The following TM4SF5 variants were observed in gnomAD, a reference collection of about 807,000 sequenced individuals.
TM4SF5 encodes the protein transmembrane 4 L6 family member 5.
TM4SF5 carries 16 observed loss-of-function variants against 22.3 expected under a neutral mutation model. The ratio of observed to expected loss-of-function variants is 0.72; its 90% confidence interval spans 0.49 to 1.09. The LOEUF (loss-of-function observed/expected upper bound fraction) is 1.09. TM4SF5 is among the 50% of genes least tolerant of loss of function. The pLI, the probability that TM4SF5 is intolerant of heterozygous loss-of-function variation, is 0.00. For missense variants in TM4SF5, 249 were observed against 266.1 expected (o/e 0.94, Z 0.45); for synonymous variants, 113 against 109.6 (o/e 1.03, Z -0.19).
At position 4,771,902 on chromosome 17, in the gene TM4SF5, T is replaced by C. The variant is rs779486563; in HGVS notation, c.-21T>C. 2 of 1,613,928 alleles carry C rather than the reference T, an allele frequency of 1.2e-6. No individual in the cohort carries two copies. ...CACTGGCTTACTTTCACTCACCGCCTGTCCTTCCTGACACCTCACCATGTG... is the reference window on the plus strand; with the variant it reads ...CACTGGCTTACTTTCACTCACCGCCCGTCCTTCCTGACACCTCACCATGTG... On this transcript the variant is annotated 5_prime_UTR_variant, in exon 1 of 5. Transcript: ENST00000270560.
chr17:4,775,193 C>T (rs1159450501), intron 1 of TM4SF5, among the ~76,000 whole-genome samples: 1 of 151,862 alleles, frequency 6.6e-6, no homozygotes, highest in African/African-American at 2.4e-5. Context: ...GCCTGGAACA[C>T]CCTGAAAAGC....
chr17:4,783,141 C>G lies in TM4SF5; in HGVS notation c.*13C>G, dbSNP rs199835269. On this transcript the variant is annotated 3_prime_UTR_variant, in exon 5 of 5. Coordinates refer to ENST00000270560, the MANE Select transcript of TM4SF5 (RefSeq NM_003963.3). The stretch of plus-strand genomic sequence containing the variant: ...CACACCTCACTGAGGCTCCACTGAC[C>G]GCCGGGTTACACCTGCTCCTTCCTG... 2,426 of 1,613,886 alleles carry G rather than the reference C, an allele frequency of 1.5e-3. 6 individuals carry two copies. Among genetic ancestry groups the G allele is most frequent in the Non-Finnish European group, 1.7e-3 (2,015 of 1,179,994 alleles).
chr17:4,780,227 G>T (rs887677569), intron 1 of TM4SF5, among the ~76,000 whole-genome samples: 1 of 151,876 alleles, frequency 6.6e-6, no homozygotes, highest in African/African-American at 2.4e-5. Context: ...GGCTAATTTT[G>T]TATTTTTAGC....
At chr17:4,776,894 T>C (rs1465320628) in intron 1 of TM4SF5, among the ~76,000 whole-genome samples, 3 of 151,536 alleles carry the variant, frequency 2.0e-5, no homozygotes, top group African/African-American at 7.2e-5. Context: ...AGGTCTGCAA[T>C]ATATACAGAA....
rs749931906 is a variant in TM4SF5 at position 4,783,016 on chromosome 17, C to A, written c.558C>A (p.Cys186Ter). 26 of 1,614,018 alleles carry A rather than the reference C, an allele frequency of 1.6e-5. No individual in the cohort carries two copies. In the South Asian group the frequency reaches 2.0e-4, roughly 12 times the overall value. The part of the protein sequence containing the change: ...QLVNATIGVF[C>*]GDCRKKQDTP... ...TGAACGCGACCATTGGTGTCTTCTG[C>A]GGCGATTGCAGGAAAAAACAGGTGA... Residue 186 changes from cysteine to a stop codon, truncating the protein, a stop_gained, in exon 4 of 5, where the codon TGC becomes TGA. Coordinates refer to ENST00000270560, the MANE Select transcript of TM4SF5 (RefSeq NM_003963.3). LOFTEE classifies it high-confidence loss of function.
rs1476309122 is a variant in TM4SF5 at position 4,774,217 on chromosome 17, T to C, written c.177+2118T>C. Among the ~76,000 whole-genome samples the C allele has an allele frequency of 2.1e-5, 3 of 143,306 alleles. No individual in the cohort carries two copies. In the East Asian group the frequency reaches 6.5e-4, roughly 31 times the overall value. The allele number at this position is 143,306 out of a possible 152,430, so 94.0% of individuals were successfully genotyped here. ...ACAGAGCAAGACTCCATCTCATACA[T>C]AAATAAACAAATAAATAAGCACTGC... is the stretch of plus-strand genomic sequence containing the variant. On this transcript the variant is annotated intron_variant, in intron 1 of 4. Coordinates refer to ENST00000270560, the MANE Select transcript of TM4SF5 (RefSeq NM_003963.3).
intron 1 of TM4SF5, among the ~76,000 whole-genome samples, chr17:4,774,082 A>G (rs1917166488): frequency 1.3e-5 from 2 of 152,208 alleles, no homozygotes; most frequent in African/African-American, 2.4e-5. Flanking sequence ...TTAGCCAGGC[A>G]TAGTGGCGGG....
chr17:4,782,872 C>T lies in TM4SF5; in HGVS notation c.414C>T (p.Asn138=). ...CCCACAGGGGAGCTTACTTGCTCAACCGCACTCTATGGGATCGGTGCGAGG... is the reference window on the plus strand; with the variant it reads ...CCCACAGGGGAGCTTACTTGCTCAATCGCACTCTATGGGATCGGTGCGAGG... The part of the protein sequence containing the change: ...FEDTAGAYLL[N]RTLWDRCEAP... Residue 138 remains asparagine (N), a synonymous_variant, in exon 4 of 5, where the codon AAC becomes AAT. Transcript: ENST00000270560. The T allele has an allele frequency of 1.2e-6, 2 of 1,613,618 alleles. No individual in the cohort carries two copies. Among genetic ancestry groups the T allele is most frequent in the Non-Finnish European group, 1.7e-6 (2 of 1,179,748 alleles).
Position 4,772,085 on chromosome 17 carries a change from G to T in TM4SF5, c.163G>T (p.Gly55Cys), listed in dbSNP as rs1917120557. Residue 55 changes from glycine to cysteine, a missense_variant, in exon 1 of 5, where the codon GGC (glycine) becomes TGC (cysteine). Gly to Cys is a radical substitution (Grantham distance 159). Coordinates refer to ENST00000270560, the MANE Select transcript of TM4SF5 (RefSeq NM_003963.3). ...AGTCTGGCTCATGGGCGGCTTCATT[G>T]GCGGGGGCCTAATGGTGAGAAGGCT... Reference protein sequence around the residue: ...LQVWLMGGFIGGGLMVLCPGI... With the variant: ...LQVWLMGGFICGGLMVLCPGI... 1 of 1,614,106 alleles carries T rather than the reference G, an allele frequency of 6.2e-7. No individual in the cohort carries two copies. Among genetic ancestry groups the T allele is most frequent in the Admixed American group, 1.7e-5 (1 of 59,996 alleles).
chr17:4,781,182 T>C (rs989094073), intron 2 of TM4SF5, among the ~76,000 whole-genome samples: 1 of 148,238 alleles, frequency 6.7e-6, no homozygotes, highest in African/African-American at 2.5e-5. Flanking sequence ...ATACAGAAAT[T>C]AGCCAGGCGT....
intron 2 of TM4SF5, 37 bp downstream of exon 2, chr17:4,780,906 G>A (rs770722599): frequency 5.7e-6 from 9 of 1,583,822 alleles, no homozygotes; most frequent in Non-Finnish European, 7.8e-6. Context: ...AGGGCTGGGG[G>A]TGGTGTCTCA....
intron 2 of TM4SF5, 62 bp downstream of exon 2, chr17:4,780,931 A>G: frequency 7.0e-7 from 1 of 1,430,726 alleles, no homozygotes; most frequent in Non-Finnish European, 9.7e-7. Context: ...TGTAATCCCA[A>G]CACTTTAGCA....
chr17:4,780,935 T>G, intron 2 of TM4SF5, 66 bp downstream of exon 2: 1 of 1,398,826 alleles, frequency 7.1e-7, no homozygotes. Flanking sequence ...ATCCCAACAC[T>G]TTAGCAGGCT....
At chr17:4,776,148 C>T (rs1001086836) in intron 1 of TM4SF5, among the ~76,000 whole-genome samples, 1 of 152,076 alleles carries the variant, frequency 6.6e-6, no homozygotes, top group African/African-American at 2.4e-5. Context: ...CGCGCCTGGC[C>T]TGTGTCTGGC....
At chr17:4,779,293 A>T (rs545292712) in intron 1 of TM4SF5, among the ~76,000 whole-genome samples, 1 of 150,254 alleles carries the variant, frequency 6.7e-6, no homozygotes, top group Non-Finnish European at 1.5e-5. Context: ...GCTGGGAATG[A>T]TGACGCATGC....
intron 1 of TM4SF5, among the ~76,000 whole-genome samples, chr17:4,777,887 A>T (rs1917237096): frequency 6.6e-6 from 1 of 151,966 alleles, no homozygotes; most frequent in Admixed American, 6.6e-5. Context: ...TTCGTCTCAA[A>T]AAAGAAAAAA....
At position 4,775,282 on chromosome 17, in the gene TM4SF5, G is replaced by A. The variant is rs141706596; in HGVS notation, c.177+3183G>A. ...AAGGACTTTTTTTTTTTTTTGAGAC[G>A]GAATCTCACTGTGTCGCCCGGGCTG... On this transcript the variant is annotated intron_variant, in intron 1 of 4. Transcript: ENST00000270560. Among the ~76,000 whole-genome samples, 501 of 150,038 alleles carry A rather than the reference G, an allele frequency of 3.3e-3. 5 individuals carry two copies. Among genetic ancestry groups the A allele is most frequent in the African/African-American group, 0.011 (469 of 40,818 alleles).
At position 4,783,016 on chromosome 17, in the gene TM4SF5, C is replaced by T. The variant is rs749931906; in HGVS notation, c.558C>T (p.Cys186=). Reference sequence around the variant, plus strand: ...TGAACGCGACCATTGGTGTCTTCTGCGGCGATTGCAGGAAAAAACAGGTGA... The same window carrying T: ...TGAACGCGACCATTGGTGTCTTCTGTGGCGATTGCAGGAAAAAACAGGTGA... The part of the protein sequence containing the change: ...QLVNATIGVF[C]GDCRKKQDTP... Residue 186 remains cysteine, a synonymous_variant, in exon 4 of 5, where the codon TGC becomes TGT. Coordinates refer to ENST00000270560, the MANE Select transcript of TM4SF5 (RefSeq NM_003963.3). The T allele has an allele frequency of 1.2e-6, 2 of 1,614,136 alleles. No homozygotes were observed. The highest frequency in any genetic ancestry group is 8.5e-7 in the Non-Finnish European group (1 of 1,179,990).
intron 1 of TM4SF5, among the ~76,000 whole-genome samples, chr17:4,776,338 G>A (rs1917204888): frequency 6.6e-6 from 1 of 151,392 alleles, no homozygotes; most frequent in Non-Finnish European, 1.5e-5. Flanking sequence ...GTCTCGCTCT[G>A]TCACCCAGGC....
Sources: gnomAD v4.1 joint callset for allele counts (sites outside exome capture counted in the v4.1 genomes callset) on GRCh38, gnomAD v4.1.1 for gene constraint, MANE v1.5 for transcripts, NCBI Gene and HGNC (gene_info 2026-07-23, HGNC 2026-07-21) for gene names.